The following ARRB1 variants were observed in gnomAD, a reference collection of about 807,000 sequenced individuals.
The protein encoded by ARRB1 is arrestin beta 1.
A neutral mutation model predicts 56.8 loss-of-function variants in ARRB1; 21 were observed. The observed-to-expected ratio is 0.37, with a 90% CI of 0.26 to 0.53. The LOEUF (loss-of-function observed/expected upper bound fraction) is 0.53, where lower values mean the gene tolerates loss of function less well. Among genes scored for constraint, ARRB1 ranks in the 20% least tolerant of loss-of-function variants. The pLI is 0.88. For synonymous variants in ARRB1, 210 were observed against 218.6 expected, an observed-to-expected ratio of 0.96 and a Z score of 0.35; for missense variants, 424 against 553.7, an observed-to-expected ratio of 0.77 and a Z score of 2.35.
At chr11:75,292,880 A>C (rs890988648) in intron 1 of ARRB1, among the ~76,000 whole-genome samples, 4 of 152,144 alleles carry the variant, frequency 2.6e-5, no homozygotes, top group African/African-American at 9.7e-5. Flanking sequence ...CAAGGCTCAG[A>C]GAGACGCAGT....
chr11:75,347,205 AGGCC>A (rs1947782906), intron 1 of ARRB1, among the ~76,000 whole-genome samples: 1 of 152,248 alleles, frequency 6.6e-6, no homozygotes. Context: ...TGAAGCCCAG[AGGCC>A]GGCCTGGAAT....
intron 1 of ARRB1, among the ~76,000 whole-genome samples, chr11:75,307,747 A>AT (rs1947064049): frequency 6.6e-6 from 1 of 151,704 alleles, no homozygotes; most frequent in Non-Finnish European, 1.5e-5. Context: ...CCAACTCCCC[A>AT]TTTATGCTCT....
At position 75,266,017 on chromosome 11, in the gene ARRB1, C is replaced by T; in HGVS notation, c.*146G>A. 1 of 660,818 alleles carries T rather than the reference C, an allele frequency of 1.5e-6. No individual in the cohort carries two copies. Among genetic ancestry groups the T allele is most frequent in the South Asian group, 1.8e-5 (1 of 56,092 alleles). The allele number at this position is 660,818 out of a possible 1,614,324, so 40.9% of individuals were successfully genotyped here. A position where few individuals can be genotyped will look rare whatever the true frequency, so the allele number is the denominator to read the frequency against. ...GGGGCCAATCCTGAGGCCAGAGGTT[C>T]ATCACCGTGATCTGGAAGCCCACGG... On this transcript the variant is annotated 3_prime_UTR_variant, in exon 16 of 16. Coordinates refer to ENST00000420843, the MANE Select transcript of ARRB1 (RefSeq NM_004041.5).
At chr11:75,350,856 C>T (rs1843862112) in intron 1 of ARRB1, among the ~76,000 whole-genome samples, 1 of 152,178 alleles carries the variant, frequency 6.6e-6, no homozygotes, top group African/African-American at 2.4e-5. Flanking sequence ...GGGCCTGAAG[C>T]GTGTGTGTCA....
chr11:75,301,705 C>T (rs374484879), intron 1 of ARRB1, among the ~76,000 whole-genome samples: 3 of 152,140 alleles, frequency 2.0e-5, no homozygotes, highest in African/African-American at 4.8e-5. Context: ...CAGGGAGGTG[C>T]GGGGAGCAGG....
intron 1 of ARRB1, among the ~76,000 whole-genome samples, chr11:75,341,091 G>C (rs1947687105): frequency 6.6e-6 from 1 of 152,118 alleles, no homozygotes; most frequent in South Asian, 2.1e-4. Flanking sequence ...GGGGACATGG[G>C]AGAGGGAAGG....
intron 1 of ARRB1, among the ~76,000 whole-genome samples, chr11:75,300,215 A>G (rs1464035459): frequency 6.8e-6 from 1 of 147,288 alleles, no homozygotes; most frequent in Non-Finnish European, 1.5e-5. Context: ...AAAAAAAAAA[A>G]AAAAAAAGAA....
chr11:75,293,054 G>C (rs912292461), intron 1 of ARRB1, among the ~76,000 whole-genome samples: 3 of 152,000 alleles, frequency 2.0e-5, no homozygotes, highest in African/African-American at 7.3e-5. Flanking sequence ...GAGAAATGAG[G>C]AGAGGAGAGG....
chr11:75,268,371 G>A (rs1301308802), intron 14 of ARRB1, among the ~76,000 whole-genome samples: 2 of 151,966 alleles, frequency 1.3e-5, no homozygotes, highest in African/African-American at 2.4e-5. Flanking sequence ...CAGGTGTGGC[G>A]GCAGCCGCCT....
At chr11:75,269,068 G>A (rs952126408) in intron 13 of ARRB1, 109 bp from the exon 14 acceptor site, 173 of 1,241,188 alleles carry the variant, frequency 1.4e-4, no homozygotes, top group Middle Eastern at 1.9e-4. Context: ...GCCGTCAGAG[G>A]AGGTAGATCC....
intron 1 of ARRB1, among the ~76,000 whole-genome samples, chr11:75,295,847 G>A (rs954518125): frequency 3.0e-4 from 46 of 152,136 alleles, no homozygotes; most frequent in Admixed American, 6.5e-5. Flanking sequence ...CTAAGATTTG[G>A]GGGTTCTTAC....
intron 1 of ARRB1, among the ~76,000 whole-genome samples, chr11:75,300,409 G>A (rs1036916412): frequency 2.4e-4 from 37 of 152,040 alleles, no homozygotes; most frequent in Non-Finnish European, 7.4e-5. Flanking sequence ...ATTTGCCTAG[G>A]GTCACACAGC....
intron 1 of ARRB1, among the ~76,000 whole-genome samples, chr11:75,332,761 C>T (rs1947541432): frequency 1.3e-5 from 2 of 152,010 alleles, no homozygotes; most frequent in Non-Finnish European, 2.9e-5. Flanking sequence ...CAGGTGTGGT[C>T]AGGCGCACCT....
In ARRB1 at chr11:75,267,670, A is replaced by G; in HGVS notation, c.1127T>C (p.Leu376Pro). ...PENETPVDTNLIELDTNDDDI... is the reference protein window; with the variant it reads ...PENETPVDTNPIELDTNDDDI... ...AGCTTACTTTGTGTCAAGTTCTATGAGATTGGTATCTACTGGCGTCTCGTT... is the reference window on the plus strand; with the variant it reads ...AGCTTACTTTGTGTCAAGTTCTATGGGATTGGTATCTACTGGCGTCTCGTT... Residue 376 changes from leucine to proline, a missense_variant, in exon 15 of 16, where the codon CTC becomes CCC. By Grantham distance (98) the Leu-to-Pro change is moderately conservative. Around this residue, in one of 3 missense-constraint regions of ARRB1, gnomAD observed 121 missense variants for 147.3 expected, o/e 0.82. Coordinates refer to ENST00000420843, the MANE Select transcript of ARRB1 (RefSeq NM_004041.5). 1 of 1,386,732 alleles carries G rather than the reference A, an allele frequency of 7.2e-7. No homozygotes were observed. 85.9% of individuals were successfully genotyped at this position (1,386,732 alleles called of 1,614,324 possible).
intron 1 of ARRB1, among the ~76,000 whole-genome samples, chr11:75,346,613 A>C (rs1253235541): frequency 1.3e-5 from 2 of 152,116 alleles, no homozygotes; most frequent in Non-Finnish European, 2.9e-5. Context: ...CCACCAGCTA[A>C]TGCCTTCTGG....
intron 14 of ARRB1, 106 bp from the exon 15 acceptor site, chr11:75,267,809 A>C: frequency 1.1e-6 from 1 of 928,000 alleles, no homozygotes; most frequent in East Asian, 2.6e-5. Context: ...TAACATGAGA[A>C]GGGCAAAGGA....
intron 1 of ARRB1, among the ~76,000 whole-genome samples, chr11:75,310,526 G>A (rs1297232025): frequency 2.6e-5 from 4 of 152,150 alleles, no homozygotes; most frequent in South Asian, 2.1e-4. Context: ...GTATCCAACC[G>A]GCACCAGGCA....
intron 1 of ARRB1, among the ~76,000 whole-genome samples, chr11:75,311,153 A>T (rs1947147057): frequency 6.6e-6 from 1 of 152,208 alleles, no homozygotes; most frequent in Non-Finnish European, 1.5e-5. Context: ...CCTGACCAAC[A>T]TGGTGAAACC....
Position 75,306,421 on chromosome 11 carries a change from A to G in ARRB1, c.21-16382T>C, listed in dbSNP as rs1947031316. On this transcript the variant is annotated intron_variant, in intron 1 of 15. Coordinates refer to ENST00000420843, the MANE Select transcript of ARRB1 (RefSeq NM_004041.5). Reference sequence around the variant, plus strand: ...CGCACTGTTCCTCCCTGTGTTCTCCATCCCCACCTATGCCAGAGGCTGGTG... The same window carrying G: ...CGCACTGTTCCTCCCTGTGTTCTCCGTCCCCACCTATGCCAGAGGCTGGTG... 3 of 482,646 alleles carry G rather than the reference A, an allele frequency of 6.2e-6. No homozygotes were observed. The East Asian group carries it at 2.1e-4, about 33-fold the overall frequency. The allele number at this position is 482,646 out of a possible 1,614,324, so 29.9% of individuals were successfully genotyped here.
Sources: allele counts gnomAD v4.1 joint callset (sites outside exome capture counted in the v4.1 genomes callset), GRCh38; gene constraint gnomAD v4.1.1; regional missense constraint gnomAD v4.1.1; transcripts MANE v1.5; gene names NCBI Gene and HGNC (gene_info 2026-07-23, HGNC 2026-07-21).